Variants in PCDHGB5 observed in about 807,000 individuals in gnomAD.
PCDHGB5 encodes the protein protocadherin gamma subfamily B, 5, also known as protocadherin gamma-B5.
Under a neutral mutation model 62.9 loss-of-function variants are expected in PCDHGB5, and 48 were observed. The observed-to-expected ratio is 0.76, with a 90% confidence interval of 0.61 to 0.97. PCDHGB5 has a LOEUF of 0.97. PCDHGB5 is among the 50% of genes least tolerant of loss of function. PCDHGB5 has a pLI of 0.00. For missense variants in PCDHGB5, 1,118 were observed against 1,198.6 expected (o/e 0.93, Z 0.99); for synonymous variants, 474 against 511.2 (o/e 0.93, Z 0.98).
At chr5:141,430,021 T>C (rs2097257368) in intron 1 of PCDHGB5, among the ~76,000 whole-genome samples, 1 of 152,226 alleles carries the variant, frequency 6.6e-6, no homozygotes, top group Admixed American at 6.5e-5. Context: ...TGGGTTCTTG[T>C]TAAGTGTGAT....
intron 1 of PCDHGB5, chr5:141,421,848 T>C (rs571838248): frequency 4.9e-5 from 79 of 1,613,634 alleles, no homozygotes; most frequent in Non-Finnish European, 6.0e-5. Flanking sequence ...AGAAAGAGGC[T>C]GCTCACCTGC....
In PCDHGB5 at chr5:141,399,327, G is replaced by C. The variant is rs2093787081; in HGVS notation, c.1200G>C (p.Leu400Phe). The change falls in exon 1 of 4, where the codon TTG (leucine) becomes TTC (phenylalanine). Residue 400 changes from leucine to phenylalanine, a missense_variant. Coordinates refer to ENST00000617380, the MANE Select transcript of PCDHGB5 (RefSeq NM_018925.3). ...CTTCATCCAAAAATTCGTATAAGTT[G>C]GTAACAGATGGAACCCTAGACCGAG... ...IISSSKNSYK[L>F]VTDGTLDREQ... 1.2e-6 allele frequency: 2 copies of C among 1,613,936 alleles called. No homozygotes were observed. Among genetic ancestry groups the C allele is most frequent in the African/African-American group, 1.3e-5 (1 of 75,050 alleles).
chr5:141,404,796 G>T, intron 1 of PCDHGB5: 1 of 1,613,970 alleles, frequency 6.2e-7, no homozygotes, highest in Non-Finnish European at 8.5e-7. Flanking sequence ...AGTGAGCCAG[G>T]GCTCTTCTCG....
intron 3 of PCDHGB5, among the ~76,000 whole-genome samples, chr5:141,509,064 C>T (rs890846779): frequency 6.6e-6 from 1 of 152,184 alleles, no homozygotes; most frequent in African/African-American, 2.4e-5. Flanking sequence ...AAGCTCTCAG[C>T]TCCGGGGATT....
In PCDHGB5 at chr5:141,460,596, C is replaced by A. The variant is rs930441447; in HGVS notation, c.2398-34211C>A. On this transcript the variant is annotated intron_variant, in intron 1 of 3. Transcript: ENST00000617380. ...TGTAGGTGTGGGTTTTTTCTGGGCT[C>A]TCTGTGTTAGATGGATAGATAGACA... Among the ~76,000 whole-genome samples the A allele has an allele frequency of 1.3e-5, 2 of 151,986 alleles. 1 individual carries two copies. The highest frequency in any genetic ancestry group is 4.1e-4 in the South Asian group (2 of 4,824).
intron 1 of PCDHGB5, among the ~76,000 whole-genome samples, chr5:141,450,968 G>A (rs756891993): frequency 5.5e-4 from 84 of 151,848 alleles, no homozygotes; most frequent in Non-Finnish European, 9.0e-4. Context: ...GGGATTACAG[G>A]CATGTGCCAC....
intron 1 of PCDHGB5, chr5:141,478,809 C>G: frequency 6.9e-7 from 1 of 1,453,454 alleles, no homozygotes; most frequent in Non-Finnish European, 9.0e-7. Flanking sequence ...CTTTTGCTAT[C>G]ACAACTAACC....
At chr5:141,479,930 T>C (rs1355410974) in intron 1 of PCDHGB5, among the ~76,000 whole-genome samples, 15 of 152,218 alleles carry the variant, frequency 9.9e-5, no homozygotes, top group Non-Finnish European at 1.9e-4. Context: ...CAGTGCATCA[T>C]TGCTATCAAC....
intron 1 of PCDHGB5, chr5:141,419,543 G>A (rs573594140): frequency 2.5e-5 from 40 of 1,612,106 alleles, no homozygotes; most frequent in African/African-American, 2.0e-4. Context: ...CGCACCGCGG[G>A]TGCTGTACCC....
Position 141,491,757 on chromosome 5 carries a change from C to G in PCDHGB5, c.2398-3050C>G. ...CTGGGGGCGGCACTGGAGAAGCCGC[C>G]CGTCCTCATAAGGGATTGAACTTGC... On this transcript the variant is annotated intron_variant, in intron 1 of 3. Coordinates refer to ENST00000617380, the MANE Select transcript of PCDHGB5 (RefSeq NM_018925.3). This position sits in a 1 kb window ranked among gnomAD's most constrained non-coding sequence, Gnocchi z 6.9. 1 of 1,580,374 alleles carries G rather than the reference C, an allele frequency of 6.3e-7. No individual in the cohort carries two copies. The highest frequency in any genetic ancestry group is 1.9e-5 in the Admixed American group (1 of 53,534).
At chr5:141,418,632 G>A in intron 1 of PCDHGB5, 1 of 1,614,028 alleles carries the variant, frequency 6.2e-7, no homozygotes, top group Non-Finnish European at 8.5e-7. Flanking sequence ...GTGCCTCCAG[G>A]CACCTCCATC....
At chr5:141,433,235 C>T (rs1307904588) in intron 1 of PCDHGB5, 13 of 1,509,616 alleles carry the variant, frequency 8.6e-6, no homozygotes, top group Non-Finnish European at 1.1e-5. Context: ...GCTCTGTCTC[C>T]CAAGCTGGAA....
At chr5:141,501,987 G>A (rs1462571527) in intron 2 of PCDHGB5, among the ~76,000 whole-genome samples, 2 of 152,016 alleles carry the variant, frequency 1.3e-5, no homozygotes, top group Non-Finnish European at 2.9e-5. Flanking sequence ...TGGTCCCGTT[G>A]TCTCCCTGAC....
chr5:141,409,259 T>C lies in PCDHGB5; in HGVS notation c.2397+8735T>C, dbSNP rs370130162. ...CCCAGAAATAATCATCACTTCTCTC[T>C]CTGATCAGATTTTGGAGAATTCACC... is the stretch of plus-strand genomic sequence containing the variant. On this transcript the variant is annotated intron_variant, in intron 1 of 3. Coordinates refer to ENST00000617380, the MANE Select transcript of PCDHGB5 (RefSeq NM_018925.3). The C allele has an allele frequency of 1.9e-6, 3 of 1,614,012 alleles. No individual in the cohort carries two copies. Among genetic ancestry groups the C allele is most frequent in the South Asian group, 2.2e-5 (2 of 91,082 alleles).
At chr5:141,484,453 C>T (rs1212059469) in intron 1 of PCDHGB5, among the ~76,000 whole-genome samples, 1 of 152,160 alleles carries the variant, frequency 6.6e-6, no homozygotes. Flanking sequence ...TAATTGGCTA[C>T]GTTAATGTGT....
Position 141,486,362 on chromosome 5 carries a change from C to A in PCDHGB5, c.2398-8445C>A. On this transcript the variant is annotated intron_variant, in intron 1 of 3. Coordinates refer to ENST00000617380, the MANE Select transcript of PCDHGB5 (RefSeq NM_018925.3). The surrounding 1 kb of genome is among the most constrained non-coding windows in gnomAD (Gnocchi z 5.0). ...CATTCCTGACCACTTGCCATTTGCC[C>A]TCAAGTCTGCCTTCAGGAACCAGTT... The A allele has an allele frequency of 6.2e-7, 1 of 1,614,132 alleles. No individual in the cohort carries two copies. The highest frequency in any genetic ancestry group is 1.7e-5 in the Admixed American group (1 of 60,024).
chr5:141,431,333 C>T lies in PCDHGB5; in HGVS notation c.2397+30809C>T. 1 of 1,614,058 alleles carries T rather than the reference C, an allele frequency of 6.2e-7. No individual in the cohort carries two copies. Among genetic ancestry groups the T allele is most frequent in the Non-Finnish European group, 8.5e-7 (1 of 1,180,030 alleles). On this transcript the variant is annotated intron_variant, in intron 1 of 3. Coordinates refer to ENST00000617380, the MANE Select transcript of PCDHGB5 (RefSeq NM_018925.3). The surrounding 1 kb of genome is among the most constrained non-coding windows in gnomAD (Gnocchi z 4.8). ...AAATGGAGCCGACGGTAGTAAGTAC[C>T]CCGAATTGGTGCTGAAACGCGCCCT...
chr5:141,426,086 G>A (rs751467304), intron 1 of PCDHGB5, among the ~76,000 whole-genome samples: 5 of 152,218 alleles, frequency 3.3e-5, no homozygotes, highest in Non-Finnish European at 7.3e-5. Context: ...CTACCAGGAC[G>A]ATATTCTGTT....
Position 141,489,699 on chromosome 5 carries a change from A to G in PCDHGB5, c.2398-5108A>G. ...CAGCAGCATCTGGGGCACGATTCCC[A>G]CTGGACAGTGCCCAGGATCCGGATG... is the stretch of plus-strand genomic sequence containing the variant. On this transcript the variant is annotated intron_variant, in intron 1 of 3. Transcript: ENST00000617380. The surrounding 1 kb of genome is among the most constrained non-coding windows in gnomAD (Gnocchi z 4.5). The G allele has an allele frequency of 6.2e-7, 1 of 1,614,102 alleles. No homozygotes were observed. The highest frequency in any genetic ancestry group is 8.5e-7 in the Non-Finnish European group (1 of 1,179,956).
Sources: gnomAD v4.1 joint callset for allele counts (sites outside exome capture counted in the v4.1 genomes callset) on GRCh38, gnomAD v4.1.1 for gene constraint, Gnocchi (gnomAD v3.1) non-coding constraint, MANE v1.5 for transcripts, NCBI Gene and HGNC (gene_info 2026-07-23, HGNC 2026-07-21) for gene names.